Variants in COP1 observed in about 807,000 individuals in gnomAD.
COP1 encodes COP1 E3 ubiquitin ligase.
In COP1, 24 loss-of-function variants were observed where a neutral mutation model predicts 101.3. The ratio of observed to expected loss-of-function variants is 0.24; its 90% CI spans 0.17 to 0.33. COP1 has a LOEUF of 0.33. COP1 is among the 10% of genes least tolerant of loss of function. The pLI, the probability that COP1 is intolerant of heterozygous loss-of-function variation, is 1.00. For synonymous variants in COP1, 347 were observed against 341.9 expected (o/e 1.01, Z -0.17); for missense variants, 663 against 906.2 (o/e 0.73, Z 3.45).
intron 3 of COP1, among the ~76,000 whole-genome samples, chr1:176,172,212 G>A (rs1443823333): frequency 6.6e-6 from 1 of 152,076 alleles, no homozygotes; most frequent in Non-Finnish European, 1.5e-5. Flanking sequence ...AACACGCCTG[G>A]CTAATTTTTT....
At chr1:176,176,634 C>T (rs1266979675) in intron 2 of COP1, among the ~76,000 whole-genome samples, 2 of 152,016 alleles carry the variant, frequency 1.3e-5, no homozygotes, top group Non-Finnish European at 2.9e-5. Context: ...GCCTGGGGAA[C>T]ATAGCAAGAC....
chr1:176,023,718 C>CAAAAAAAAAA (rs759455090), intron 15 of COP1, among the ~76,000 whole-genome samples: 44 of 121,996 alleles, frequency 3.6e-4, no homozygotes, highest in African/African-American at 8.3e-4. Flanking sequence ...AACTCCATCT[C>CAAAAAAAAAA]AAAAAAAAAA....
At chr1:176,184,858 T>C (rs549081490) in intron 1 of COP1, among the ~76,000 whole-genome samples, 166 bp from the exon 2 acceptor site, 5 of 152,280 alleles carry the variant, frequency 3.3e-5, no homozygotes, top group Admixed American at 3.3e-4. Context: ...AACTAAACTT[T>C]AGGGGATTGT....
intron 10 of COP1, among the ~76,000 whole-genome samples, chr1:176,081,637 G>T (rs1393749796): frequency 6.6e-6 from 1 of 151,954 alleles, no homozygotes; most frequent in Non-Finnish European, 1.5e-5. Context: ...GAAGAGTACT[G>T]GATGAGTATT....
intron 8 of COP1, among the ~76,000 whole-genome samples, chr1:176,119,751 A>T (rs878888415): frequency 6.6e-6 from 1 of 152,148 alleles, no homozygotes; most frequent in Admixed American, 6.5e-5. Flanking sequence ...TGACTCATCC[A>T]CAGTCACTAG....
chr1:176,127,536 C>T (rs1468615251), intron 8 of COP1, among the ~76,000 whole-genome samples: 1 of 149,240 alleles, frequency 6.7e-6, no homozygotes, highest in Non-Finnish European at 1.5e-5. Flanking sequence ...CTTCCTGGGT[C>T]TTTTTAAGGT....
intron 9 of COP1, among the ~76,000 whole-genome samples, chr1:176,098,170 T>G (rs1682757718): frequency 6.6e-6 from 1 of 152,208 alleles, no homozygotes. Context: ...TGGTAAAACC[T>G]GGCGACATAA....
chr1:176,073,550 C>T (rs1677390731), intron 11 of COP1, among the ~76,000 whole-genome samples: 1 of 152,146 alleles, frequency 6.6e-6, no homozygotes, highest in South Asian at 2.1e-4. Flanking sequence ...ATAAAAAATG[C>T]AAAATATGCT....
intron 1 of COP1, among the ~76,000 whole-genome samples, chr1:176,190,463 A>G (rs778122050): frequency 7.9e-5 from 12 of 151,924 alleles, no homozygotes; most frequent in Non-Finnish European, 1.3e-4. Flanking sequence ...CAATTGCCAG[A>G]AGGACAGATA....
chr1:176,054,907 C>T (rs1347852606), intron 11 of COP1, among the ~76,000 whole-genome samples: 14 of 152,158 alleles, frequency 9.2e-5, no homozygotes, highest in Admixed American at 1.3e-4. Flanking sequence ...CTCTTTAACT[C>T]ACTGGAATCA....
chr1:175,983,368 G>C lies in COP1; in HGVS notation c.2133+3575C>G, dbSNP rs145348851. Among the ~76,000 whole-genome samples the C allele has an allele frequency of 2.6e-3, 399 of 152,278 alleles. 3 individuals carry two copies. The highest frequency in any genetic ancestry group is 9.2e-3 in the African/African-American group (381 of 41,558). ...CATGATATCTGATGGTTTTAAAAAG[G>C]GGAGATTCCCTGTACAAGTTTTCTT... On this transcript the variant is annotated intron_variant, in intron 18 of 19. Coordinates refer to ENST00000367669, the MANE Select transcript of COP1 (RefSeq NM_022457.7).
chr1:175,972,423 T>TCA (rs1653451834), intron 18 of COP1, among the ~76,000 whole-genome samples: 1 of 151,660 alleles, frequency 6.6e-6, no homozygotes, highest in Non-Finnish European at 1.5e-5. Context: ...ACACATACCA[T>TCA]CTGAGGCCCA....
At chr1:176,002,427 C>T (rs1231090901) in intron 15 of COP1, among the ~76,000 whole-genome samples, 1 of 151,808 alleles carries the variant, frequency 6.6e-6, no homozygotes, top group South Asian at 2.1e-4. Context: ...CATATGTATA[C>T]ATGTGCCATG....
At chr1:176,083,626 T>G (rs1242867730) in intron 10 of COP1, among the ~76,000 whole-genome samples, 1 of 152,214 alleles carries the variant, frequency 6.6e-6, no homozygotes, top group Non-Finnish European at 1.5e-5. Flanking sequence ...ATAATTAACT[T>G]CCTCTTTCAA....
chr1:176,052,237 G>C (rs922070083), intron 11 of COP1, among the ~76,000 whole-genome samples: 39 of 152,128 alleles, frequency 2.6e-4, no homozygotes, highest in African/African-American at 9.4e-4. Context: ...CGCTATGTAG[G>C]TTTGCAGTCT....
chr1:175,993,734 T>C (rs1325115658), intron 15 of COP1, among the ~76,000 whole-genome samples: 1 of 152,130 alleles, frequency 6.6e-6, no homozygotes, highest in Non-Finnish European at 1.5e-5. Context: ...CCAAGAAATA[T>C]GCGACTATGT....
At chr1:176,174,021 A>C (rs1317865051) in intron 3 of COP1, among the ~76,000 whole-genome samples, 1 of 146,412 alleles carries the variant, frequency 6.8e-6, no homozygotes, top group Non-Finnish European at 1.5e-5. Flanking sequence ...GAATATATAT[A>C]ATGTAGGGGA....
chr1:176,080,989 T>C (rs1477610766), intron 11 of COP1, among the ~76,000 whole-genome samples, 163 bp downstream of exon 11: 1 of 152,114 alleles, frequency 6.6e-6, no homozygotes, highest in Non-Finnish European at 1.5e-5. Flanking sequence ...ACGAAGAAAT[T>C]TGGCATATAG....
At chr1:176,065,027 A>G (rs1390526070) in intron 11 of COP1, among the ~76,000 whole-genome samples, 1 of 152,196 alleles carries the variant, frequency 6.6e-6, no homozygotes, top group African/African-American at 2.4e-5. Flanking sequence ...GACACAAACC[A>G]TATAACTAAG....
Sources: gnomAD v4.1 joint callset for allele counts (sites outside exome capture counted in the v4.1 genomes callset) on GRCh38, gnomAD v4.1.1 for gene constraint, MANE v1.5 for transcripts, NCBI Gene and HGNC (gene_info 2026-07-23, HGNC 2026-07-21) for gene names.